Variants in FAM153A observed in about 807,000 individuals in gnomAD.
FAM153A encodes the protein family with sequence similarity 153 member A, also known as protein FAM153A.
In FAM153A, 12 loss-of-function variants were observed where a neutral mutation model predicts 48.1. The ratio of observed to expected loss-of-function variants is 0.25; its 90% CI spans 0.16 to 0.40. The LOEUF (loss-of-function observed/expected upper bound fraction) is 0.40, where lower values mean the gene tolerates loss of function less well. Among genes scored for constraint, FAM153A ranks in the 10% least tolerant of loss-of-function variants. The probability of loss-of-function intolerance (pLI) is 1.00; values close to 1 mark genes in which losing one functional copy is unlikely to be tolerated. For synonymous variants in FAM153A, 36 were observed against 118.2 expected, an observed-to-expected ratio of 0.30 and a Z score of 4.51; for missense variants, 111 against 345.8, an observed-to-expected ratio of 0.32 and a Z score of 5.38.
chr5:177,759,405 T>G (rs1367171916), intron 1 of FAM153A, among the ~76,000 whole-genome samples: 1 of 151,724 alleles, frequency 6.6e-6, no homozygotes, highest in Non-Finnish European at 1.5e-5. Context: ...GAAGAGAGAG[T>G]GGCAATTCCT....
At chr5:177,728,522 T>G (rs1412873073) in intron 18 of FAM153A, among the ~76,000 whole-genome samples, 1 of 147,444 alleles carries the variant, frequency 6.8e-6, no homozygotes, top group Non-Finnish European at 1.5e-5. Flanking sequence ...AGTAGCATGG[T>G]TAGAGTACTG....
At chr5:177,709,348 G>A (rs1336819497), downstream of FAM153A, among the ~76,000 whole-genome samples, 1 of 128,686 alleles carries the variant, frequency 7.8e-6, no homozygotes, top group African/African-American at 2.9e-5. Flanking sequence ...TTTGCAATGT[G>A]ATGTAATTAG....
At chr5:177,730,235 G>A (rs1417161067) in intron 16 of FAM153A, among the ~76,000 whole-genome samples, 1 of 110,606 alleles carries the variant, frequency 9.0e-6, no homozygotes, top group Non-Finnish European at 2.1e-5. Flanking sequence ...GCAGCGAGGG[G>A]GTGCGGGGGG....
At chr5:177,713,248 C>CT (rs1561857303) in intron 26 of FAM153A, 3 of 139,728 alleles carry the variant, frequency 2.1e-5, no homozygotes, top group Admixed American at 7.5e-5. Flanking sequence ...TTTTCTTTTT[C>CT]TTTCTTTTCT....
At chr5:177,701,037 C>T in the FAM153A span, among the ~76,000 whole-genome samples, 1 of 151,660 alleles carries the variant, frequency 6.6e-6, no homozygotes. Context: ...TTAGTACAAT[C>T]CCCTTGGTGG....
At chr5:177,716,181 A>C (rs1759741762) in intron 25 of FAM153A, among the ~76,000 whole-genome samples, 6 of 151,342 alleles carry the variant, frequency 4.0e-5, no homozygotes. Context: ...ATGGGGTTTC[A>C]CCATGTTGGC....
intron 10 of FAM153A, among the ~76,000 whole-genome samples, chr5:177,737,500 A>T (rs1468785664): frequency 6.6e-6 from 1 of 150,878 alleles, no homozygotes; most frequent in Non-Finnish European, 1.5e-5. Flanking sequence ...GCTGCTGTGT[A>T]TTTTGTCCCT....
At chr5:177,745,920 T>A (rs928155589) in intron 4 of FAM153A, among the ~76,000 whole-genome samples, 1 of 151,364 alleles carries the variant, frequency 6.6e-6, no homozygotes, top group African/African-American at 2.5e-5. Flanking sequence ...AACCCTGGGT[T>A]AGCTGACCAT....
chr5:177,755,247 CAAAT>C (rs1253125810), upstream of FAM153A, among the ~76,000 whole-genome samples: 2 of 151,504 alleles, frequency 1.3e-5, no homozygotes, highest in East Asian at 3.9e-4. Context: ...GATGGAAAAT[CAAAT>C]GAATGAAATG....
downstream of FAM153A, among the ~76,000 whole-genome samples, chr5:177,703,160 G>A (rs1470261797): frequency 2.0e-5 from 3 of 150,824 alleles, no homozygotes; most frequent in South Asian, 2.1e-4. Context: ...GAGTGGTGTC[G>A]GGGGCTGAGC....
At chr5:177,750,395 G>T (rs553891073) in intron 2 of FAM153A, 1 of 156,118 alleles carries the variant, frequency 6.4e-6, no homozygotes, top group African/African-American at 2.5e-5. Context: ...TCATAAGAAT[G>T]TATCACTATT....
At chr5:177,709,257 C>CTT (rs59687881), downstream of FAM153A, among the ~76,000 whole-genome samples, 478 of 116,344 alleles carry the variant, frequency 4.1e-3, 8 homozygotes, top group African/African-American at 0.013. Context: ...AAAAAGGAAT[C>CTT]TTTTTTTTTT....
At chr5:177,703,308 A>G (rs545716103), downstream of FAM153A, among the ~76,000 whole-genome samples, 123 of 151,986 alleles carry the variant, frequency 8.1e-4, no homozygotes, top group Non-Finnish European at 1.6e-3. Context: ...GCTGGGTTTC[A>G]GACTTGCATG....
chr5:177,770,506 T>A lies in FAM153A; in HGVS notation c.-57+9943A>T, dbSNP rs1331900105. Among the ~76,000 whole-genome samples the A allele has an allele frequency of 2.1e-5, 2 of 97,338 alleles. 1 individual carries two copies. Among genetic ancestry groups the A allele is most frequent in the Non-Finnish European group, 4.3e-5 (2 of 47,054 alleles). The allele number at this position is 97,338 out of a possible 152,430, so 63.9% of individuals were successfully genotyped here. On this transcript the variant is annotated intron_variant, in intron 1 of 8. Coordinates refer to the FAM153A transcript ENST00000393518. ...TTTAACTATTCAAAAAGATATCCAC[T>A]GTATTATTTCAACTATATGACTCTC...
intron 18 of FAM153A, among the ~76,000 whole-genome samples, chr5:177,725,362 G>A (rs150163020): frequency 0.22 from 30,266 of 136,038 alleles, 361 homozygotes; most frequent in South Asian, 0.3. Flanking sequence ...GGGGCCTGCG[G>A]GAGGTGATGA....
upstream of FAM153A, among the ~76,000 whole-genome samples, chr5:177,754,415 G>C (rs898711309): frequency 1.3e-5 from 2 of 151,742 alleles, no homozygotes; most frequent in Non-Finnish European, 2.9e-5. Flanking sequence ...TGGGGGCAGG[G>C]CATAGCCAAA....
downstream of FAM153A, among the ~76,000 whole-genome samples, chr5:177,709,596 C>T (rs1758207712): frequency 6.8e-6 from 1 of 147,360 alleles, no homozygotes; most frequent in South Asian, 2.2e-4. Flanking sequence ...CTCCTGACCT[C>T]GTGATTCACC....
At chr5:177,707,671 T>C (rs1272482707), downstream of FAM153A, among the ~76,000 whole-genome samples, 3 of 151,780 alleles carry the variant, frequency 2.0e-5, no homozygotes, top group Non-Finnish European at 4.4e-5. Context: ...GCAATTCTCC[T>C]ACCTCAGCCT....
chr5:177,703,303 G>T, downstream of FAM153A, among the ~76,000 whole-genome samples: 1 of 151,960 alleles, frequency 6.6e-6, no homozygotes, highest in Non-Finnish European at 1.5e-5. Context: ...GCCCTGCTGG[G>T]TTTCAGACTT....
Sources: gnomAD v4.1 joint callset for allele counts (sites outside exome capture counted in the v4.1 genomes callset) on GRCh38, gnomAD v4.1.1 for gene constraint, MANE v1.5 for transcripts, NCBI Gene and HGNC (gene_info 2026-07-23, HGNC 2026-07-21) for gene names.